Variants in CFAP57 observed in about 807,000 individuals in gnomAD.
CFAP57 encodes cilia and flagella associated protein 57, also known as cilia- and flagella-associated protein 57.
In CFAP57, 116 loss-of-function variants were observed where a neutral mutation model predicts 146.8. That is an observed-to-expected ratio of 0.79 (90% CI 0.68 to 0.92). CFAP57 has a LOEUF of 0.92. CFAP57 is among the 40% of genes least tolerant of loss of function. The pLI is 0.00. For missense variants in CFAP57, 1,377 were observed against 1,527.2 expected (o/e 0.90, Z 1.64); for synonymous variants, 518 against 552.8 (o/e 0.94, Z 0.88).
At chr1:43,217,165 C>G (rs554792014) in intron 12 of CFAP57, among the ~76,000 whole-genome samples, 1 of 152,212 alleles carries the variant, frequency 6.6e-6, no homozygotes, top group East Asian at 1.9e-4. Flanking sequence ...TAGGTTGTGC[C>G]AGAGAGAAGG....
rs759255826 is a variant in CFAP57 at position 43,206,882 on chromosome 1, A to T, written c.1705A>T (p.Ile569Phe). Residue 569 changes from isoleucine to phenylalanine, a missense_variant, in exon 10 of 23, where the codon ATC (isoleucine) becomes TTC (phenylalanine). Coordinates refer to ENST00000372492, the MANE Select transcript of CFAP57 (RefSeq NM_001378189.1). ...TACTGTCTCCCCCGATGCCAAAATT[A>T]TCTTTGCTGTTGGATCAGACCACAC... ...CVTVSPDAKI[I>F]FAVGSDHTLK... The T allele has an allele frequency of 1.2e-6, 2 of 1,614,160 alleles. No homozygotes were observed. The highest frequency in any genetic ancestry group is 1.7e-6 in the Non-Finnish European group (2 of 1,180,020).
chr1:43,208,700 G>A (rs1214507847), intron 10 of CFAP57, among the ~76,000 whole-genome samples: 1 of 152,132 alleles, frequency 6.6e-6, no homozygotes, highest in Admixed American at 6.5e-5. Flanking sequence ...TGTAAATGAC[G>A]AGTTAATGGG....
At chr1:43,222,707 C>A in intron 15 of CFAP57, 117 bp from the exon 16 acceptor site, 1 of 1,192,712 alleles carries the variant, frequency 8.4e-7, no homozygotes, top group Non-Finnish European at 1.1e-6. Context: ...TCTGGAATGA[C>A]ACTCGCCTTT....
At chr1:43,236,914 A>AG (rs1557825159) in intron 21 of CFAP57, among the ~76,000 whole-genome samples, 1 of 24,234 alleles carries the variant, frequency 4.1e-5, no homozygotes, top group African/African-American at 1.1e-4. Flanking sequence ...ATCCCCCCCC[A>AG]AAAAAAAAAG....
rs145866819 is a variant in CFAP57 at position 43,174,111 on chromosome 1, T to G, written c.157+1201T>G. Among the ~76,000 whole-genome samples, 115 of 152,360 alleles carry G rather than the reference T, an allele frequency of 7.5e-4. 2 individuals are homozygous for G. The highest frequency in any genetic ancestry group is 1.4e-3 in the Non-Finnish European group (98 of 68,040). On this transcript the variant is annotated intron_variant, in intron 2 of 22. Transcript: ENST00000372492. ...TTTACAGTTTGTTGTGCAGGATATT[T>G]TTGGGCAATTTTATTGATTTACATG...
intron 2 of CFAP57, among the ~76,000 whole-genome samples, chr1:43,180,223 T>TTATATATATATATATACATATA (rs1289107795): frequency 7.3e-6 from 1 of 137,400 alleles, no homozygotes; most frequent in African/African-American, 2.8e-5. Flanking sequence ...TATATATATT[T>TTATATATATATATATACATATA]TATATATATA....
At chr1:43,247,118 C>T (rs569008790) in intron 22 of CFAP57, among the ~76,000 whole-genome samples, 36 of 152,308 alleles carry the variant, frequency 2.4e-4, no homozygotes, top group African/African-American at 8.7e-4. Flanking sequence ...ATATAATGTA[C>T]TATTTCTGTT....
chr1:43,226,148 G>A (rs1645235477), intron 17 of CFAP57, among the ~76,000 whole-genome samples: 1 of 152,218 alleles, frequency 6.6e-6, no homozygotes, highest in South Asian at 2.1e-4. Flanking sequence ...GCTCTAGCCT[G>A]GGTGACAAAG....
chr1:43,186,610 CAAAAAAAAAAAA>C (rs36219136), intron 5 of CFAP57, 85 bp from the exon 6 acceptor site: 35 of 750,334 alleles, frequency 4.7e-5, no homozygotes, highest in Admixed American at 6.3e-5. Context: ...GACTCCGTCT[CAAAAAAAAAAAA>C]AAAAAAAAAA....
At chr1:43,197,281 C>T (rs7526037) in intron 6 of CFAP57, among the ~76,000 whole-genome samples, 27,484 of 151,994 alleles carry the variant, frequency 0.18, 3,615 homozygotes, top group African/African-American at 0.35. Context: ...GGTGTGAACC[C>T]GGGAGGCGGA....
At chr1:43,200,987 G>A (rs1175558443) in intron 9 of CFAP57, among the ~76,000 whole-genome samples, 6 of 152,198 alleles carry the variant, frequency 3.9e-5, no homozygotes, top group Non-Finnish European at 8.8e-5. Flanking sequence ...AGCTGGGTTA[G>A]GAACTAAACC....
Position 43,224,036 on chromosome 1 carries a change from G to A in CFAP57, c.2707-10G>A, listed in dbSNP as rs1326628787. ...TTAGTGGTCTTTGTTGTTGCTGTTC[G>A]CTTTTCTAGTTCAGCAGCCTACAGA... On this transcript the variant is annotated splice_polypyrimidine_tract_variant and intron_variant, in intron 16 of 22. Coordinates refer to ENST00000372492, the MANE Select transcript of CFAP57 (RefSeq NM_001378189.1). 1.4e-5 allele frequency: 22 copies of A among 1,550,178 alleles called. No individual in the cohort carries two copies. The highest frequency in any genetic ancestry group is 2.4e-5 in the East Asian group (1 of 40,926).
rs1645075530 is a variant in CFAP57 at position 43,222,269 on chromosome 1, C to A, written c.2506C>A (p.Gln836Lys). The change falls in exon 15 of 23, where the codon CAG becomes AAG. Residue 836 changes from glutamine to lysine, a missense_variant. Physicochemically the swap from Gln to Lys is moderately conservative, Grantham distance 53 (BLOSUM62 1). Transcript: ENST00000372492. Reference protein sequence around the residue: ...ELTEFYEAKLQEKTTLLEEAQ... With the variant: ...ELTEFYEAKLKEKTTLLEEAQ... Reference sequence around the variant, plus strand: ...GACTGAGTTTTACGAGGCAAAACTGCAGGAGAAAACCACCCTTCTGGAAGA... The same window carrying A: ...GACTGAGTTTTACGAGGCAAAACTGAAGGAGAAAACCACCCTTCTGGAAGA... 3 of 1,461,190 alleles carry A rather than the reference C, an allele frequency of 2.1e-6. No individual in the cohort carries two copies. The South Asian group carries it at 4.4e-5, about 21-fold the overall frequency. The allele number at this position is 1,461,190 out of a possible 1,614,324, so 90.5% of individuals were successfully genotyped here.
intron 21 of CFAP57, 110 bp from the exon 22 acceptor site, chr1:43,243,117 T>G: frequency 7.7e-7 from 1 of 1,300,262 alleles, no homozygotes; most frequent in Non-Finnish European, 1.0e-6. Context: ...GAGTTCTGGA[T>G]CCAGACCTAA....
In CFAP57 at chr1:43,224,075, A is replaced by G; in HGVS notation, c.2736A>G (p.Glu912=). The G allele has an allele frequency of 6.4e-7, 1 of 1,550,556 alleles. No individual in the cohort carries two copies. The highest frequency in any genetic ancestry group is 8.7e-7 in the Non-Finnish European group (1 of 1,146,980). ...KFSSLQKEIE[E]RTNDIETLKG... is the part of the protein sequence containing the mutation. ...GCAGCCTACAGAAGGAGATTGAAGA[A>G]CGAACCAATGACATCGAGACCCTAA... Residue 912 remains glutamate, a synonymous_variant, in exon 17 of 23, where the codon GAA becomes GAG. Coordinates refer to ENST00000372492, the MANE Select transcript of CFAP57 (RefSeq NM_001378189.1).
chr1:43,206,603 A>G, intron 9 of CFAP57, 117 bp from the exon 10 acceptor site: 6 of 976,158 alleles, frequency 6.1e-6, no homozygotes, highest in South Asian at 2.7e-5. Flanking sequence ...AAGGGCCTAC[A>G]GCAGGAAAGG....
chr1:43,203,249 A>G (rs772252447), intron 9 of CFAP57, among the ~76,000 whole-genome samples: 6 of 152,138 alleles, frequency 3.9e-5, no homozygotes, highest in Non-Finnish European at 5.9e-5. Flanking sequence ...CTAGGCCCAG[A>G]TCTTATCACT....
Position 43,231,419 on chromosome 1 carries a change from C to T in CFAP57, c.3010-1089C>T, listed in dbSNP as rs149164627. 2.2e-3 allele frequency among the ~76,000 whole-genome samples: 332 copies of T among 152,312 alleles called. 1 individual carries two copies. Among genetic ancestry groups the T allele is most frequent in the African/African-American group, 7.8e-3 (323 of 41,558 alleles). ...GCAAACCTCCCTCTTATCAGAAATACTAGTGTCCACCAGATATAGTCCATA... is the reference window on the plus strand; with the variant it reads ...GCAAACCTCCCTCTTATCAGAAATATTAGTGTCCACCAGATATAGTCCATA... On this transcript the variant is annotated intron_variant, in intron 18 of 22. Transcript: ENST00000372492.
rs552010387 is a variant in CFAP57, at chr1:43,254,238, A to G, written c.*47A>G. On this transcript the variant is annotated 3_prime_UTR_variant, in exon 23 of 23. Transcript: ENST00000372492. Reference sequence around the variant, plus strand: ...CAGCCACAGCCAGAAGAAACACAGCATGTCTGTCCCCAAGCCAGACTTGCG... The same window carrying G: ...CAGCCACAGCCAGAAGAAACACAGCGTGTCTGTCCCCAAGCCAGACTTGCG... 1.3e-6 allele frequency: 2 copies of G among 1,493,110 alleles called. No individual in the cohort carries two copies. The highest frequency in any genetic ancestry group is 2.5e-5 in the East Asian group (1 of 40,498). The allele number at this position is 1,493,110 out of a possible 1,614,324, so 92.5% of individuals were successfully genotyped here.
Sources: allele counts gnomAD v4.1 joint callset (sites outside exome capture counted in the v4.1 genomes callset), GRCh38; gene constraint gnomAD v4.1.1; transcripts MANE v1.5; gene names NCBI Gene and HGNC (gene_info 2026-07-23, HGNC 2026-07-21).